Variants in PARD3 observed in about 807,000 individuals in gnomAD.
PARD3 encodes par-3 family cell polarity regulator, also known as partitioning defective 3 homolog.
Under a neutral mutation model 155.4 loss-of-function variants are expected in PARD3, and 75 were observed. That is an observed-to-expected ratio of 0.48 (90% CI 0.40 to 0.58). The LOEUF is 0.58. PARD3 is among the 20% of genes least tolerant of loss of function. PARD3 has a pLI of 0.00. For missense variants in PARD3, 1,642 were observed against 1,721.7 expected (o/e 0.95, Z 0.82); for synonymous variants, 576 against 610.5 (o/e 0.94, Z 0.83).
At chr10:34,503,850 G>A (rs2080872308) in intron 3 of PARD3, among the ~76,000 whole-genome samples, 1 of 152,172 alleles carries the variant, frequency 6.6e-6, no homozygotes, top group African/African-American at 2.4e-5. Context: ...GAATAAACAG[G>A]TTGATGGTTT....
Position 34,526,852 on chromosome 10 carries a change from G to A in PARD3, c.223-9693C>T, listed in dbSNP as rs75162368. Among the ~76,000 whole-genome samples, 394 of 152,260 alleles carry A rather than the reference G, an allele frequency of 2.6e-3. 3 individuals are homozygous for A. The highest frequency in any genetic ancestry group is 8.8e-3 in the African/African-American group (364 of 41,544). On this transcript the variant is annotated intron_variant, in intron 2 of 24. Transcript: ENST00000374788. ...TGTCGTCAGAAACAAGGGTAATTCC[G>A]TCTCTACCATCAAGTAATACCATCT...
intron 22 of PARD3, among the ~76,000 whole-genome samples, chr10:34,255,048 T>A (rs1301252504): frequency 6.6e-6 from 1 of 152,246 alleles, no homozygotes; most frequent in African/African-American, 2.4e-5. Context: ...AGGTATTTTT[T>A]AAATTATGCT....
At chr10:34,573,142 C>T (rs1376100186) in intron 2 of PARD3, among the ~76,000 whole-genome samples, 1 of 151,868 alleles carries the variant, frequency 6.6e-6, no homozygotes, top group African/African-American at 2.4e-5. Context: ...CCCTTGAGGC[C>T]AGGAGTTCAA....
Position 34,269,693 on chromosome 10 carries a change from T to C in PARD3, c.3383A>G (p.Lys1128Arg), listed in dbSNP as rs1181165110. Residue 1128 changes from lysine (K) to arginine (R), a missense_variant, in exon 22 of 25, where the codon AAG (lysine) becomes AGG (arginine). Lys to Arg is a conservative substitution (Grantham distance 26, BLOSUM62 2). Coordinates refer to ENST00000374788, the MANE Select transcript of PARD3 (RefSeq NM_001184785.2). ...TGAGGGTTTGGAATTCCGCGGCTTC[T>C]TGACTTGGGCATACAAAGCATCCAT... is the stretch of plus-strand genomic sequence containing the variant. ...HMMDALYAQV[K>R]KPRNSKPSPV... 3 of 1,614,062 alleles carry C rather than the reference T, an allele frequency of 1.9e-6. No individual in the cohort carries two copies. The highest frequency in any genetic ancestry group is 1.3e-5 in the African/African-American group (1 of 75,042).
intron 2 of PARD3, among the ~76,000 whole-genome samples, chr10:34,518,440 A>C (rs1022620770): frequency 6.6e-6 from 1 of 152,298 alleles, no homozygotes; most frequent in Non-Finnish European, 1.5e-5. Context: ...ACACATGGTA[A>C]GCCTGGAATG....
chr10:34,259,231 G>C (rs532455462), intron 22 of PARD3, among the ~76,000 whole-genome samples: 1 of 152,242 alleles, frequency 6.6e-6, no homozygotes, highest in Non-Finnish European at 1.5e-5. Context: ...GATGGGTACT[G>C]CAACAAATCA....
intron 21 of PARD3, among the ~76,000 whole-genome samples, chr10:34,278,789 G>A (rs1956015346): frequency 6.6e-6 from 1 of 152,156 alleles, no homozygotes; most frequent in Admixed American, 6.6e-5. Flanking sequence ...ATAGCAGCAT[G>A]AGAACAGACT....
chr10:34,756,006 C>T lies in PARD3; in HGVS notation c.120+58870G>A, dbSNP rs564960886. 7.2e-5 allele frequency among the ~76,000 whole-genome samples: 11 copies of T among 152,196 alleles called. No individual in the cohort carries two copies. The South Asian group carries it at 2.3e-3, about 32-fold the overall frequency. ...CATGGTCCTTTACTCTAGTCTCACA[C>T]AGGAGCACCAAACTTACAATAAGTT... On this transcript the variant is annotated intron_variant, in intron 1 of 24. Transcript: ENST00000374788.
chr10:34,695,891 G>A (rs532278984), intron 2 of PARD3, among the ~76,000 whole-genome samples: 4 of 152,308 alleles, frequency 2.6e-5, no homozygotes, highest in African/African-American at 9.6e-5. Context: ...ACGGTGCACC[G>A]CCAAGGCCAC....
intron 5 of PARD3, among the ~76,000 whole-genome samples, chr10:34,417,835 AG>A (rs1300787655): frequency 5.3e-5 from 8 of 152,320 alleles, no homozygotes; most frequent in Admixed American, 4.6e-4. Context: ...ATTTCCACTG[AG>A]TAAAAATGAC....
chr10:34,217,269 G>C (rs1952044323), intron 22 of PARD3, among the ~76,000 whole-genome samples: 1 of 152,026 alleles, frequency 6.6e-6, no homozygotes, highest in Non-Finnish European at 1.5e-5. Context: ...GGGAGAACTA[G>C]ATCGTACACG....
intron 19 of PARD3, among the ~76,000 whole-genome samples, chr10:34,330,545 TC>T (rs1182997837): frequency 6.6e-6 from 1 of 152,098 alleles, no homozygotes; most frequent in Non-Finnish European, 1.5e-5. Flanking sequence ...TTACAGGTAC[TC>T]AATGGAGACA....
At chr10:34,184,543 T>A (rs1950401618) in intron 22 of PARD3, among the ~76,000 whole-genome samples, 1 of 152,182 alleles carries the variant, frequency 6.6e-6, no homozygotes, top group Admixed American at 6.5e-5. Flanking sequence ...AGCATTATTC[T>A]GTTTTCCAAT....
At chr10:34,216,193 T>C (rs925946241) in intron 22 of PARD3, among the ~76,000 whole-genome samples, 2 of 152,184 alleles carry the variant, frequency 1.3e-5, no homozygotes, top group African/African-American at 4.8e-5. Context: ...AGCTCAATAT[T>C]TGTATGCAAA....
chr10:34,809,043 C>A (rs1425917366), intron 1 of PARD3, among the ~76,000 whole-genome samples: 1 of 152,174 alleles, frequency 6.6e-6, no homozygotes, highest in Non-Finnish European at 1.5e-5. Flanking sequence ...AGCTGAAAAA[C>A]AAACTGAACT....
intron 10 of PARD3, among the ~76,000 whole-genome samples, chr10:34,375,821 A>G (rs1841170762): frequency 6.6e-6 from 1 of 152,226 alleles, no homozygotes; most frequent in Non-Finnish European, 1.5e-5. Flanking sequence ...TAGTTAAAAT[A>G]TATTTCAGAA....
intron 1 of PARD3, among the ~76,000 whole-genome samples, chr10:34,792,051 C>A (rs1008350817): frequency 6.6e-6 from 1 of 152,158 alleles, no homozygotes; most frequent in Admixed American, 6.6e-5. Context: ...GTGCTCGCCT[C>A]GTGACATGCG....
chr10:34,777,697 A>AT (rs879287108), intron 1 of PARD3, among the ~76,000 whole-genome samples: 358 of 144,326 alleles, frequency 2.5e-3, no homozygotes, highest in African/African-American at 5.1e-3. Flanking sequence ...CAGTCAGCTA[A>AT]TTTTTTTTTT....
At chr10:34,698,411 C>T (rs1210096930) in intron 1 of PARD3, among the ~76,000 whole-genome samples, 3 of 152,176 alleles carry the variant, frequency 2.0e-5, no homozygotes, top group Non-Finnish European at 4.4e-5. Context: ...CCCAAGGCCT[C>T]CAATGCCTGG....
Sources: allele counts gnomAD v4.1 joint callset (sites outside exome capture counted in the v4.1 genomes callset), GRCh38; gene constraint gnomAD v4.1.1; transcripts MANE v1.5; gene names NCBI Gene and HGNC (gene_info 2026-07-23, HGNC 2026-07-21).